Variants in CDH4 observed in about 807,000 individuals in gnomAD.
CDH4 encodes the protein cadherin 4.
CDH4 carries 33 observed loss-of-function variants against 86.0 expected under a neutral mutation model. The ratio of observed to expected loss-of-function variants is 0.38; its 90% CI spans 0.29 to 0.51. The LOEUF (loss-of-function observed/expected upper bound fraction) is 0.51, where lower values mean the gene tolerates loss of function less well. CDH4 is among the 20% of genes least tolerant of loss of function. CDH4 has a pLI of 0.86. For missense variants in CDH4, 1,114 were observed against 1,307.4 expected (o/e 0.85, Z 2.28); for synonymous variants, 555 against 549.4 (o/e 1.01, Z -0.14).
chr20:61,380,782 C>T (rs1044554081), intron 2 of CDH4, among the ~76,000 whole-genome samples: 1 of 152,144 alleles, frequency 6.6e-6, no homozygotes, highest in Non-Finnish European at 1.5e-5. Flanking sequence ...GGGTGTGGGA[C>T]TTATTGCAGC....
intron 2 of CDH4, among the ~76,000 whole-genome samples, chr20:61,742,745 G>A (rs773030922): frequency 1.6e-4 from 25 of 152,194 alleles, no homozygotes; most frequent in Admixed American, 2.0e-4. Flanking sequence ...ATGAATCTGC[G>A]CCTCTGGAGG....
At chr20:61,718,522 C>T (rs927211375) in intron 2 of CDH4, 3 of 320,896 alleles carry the variant, frequency 9.3e-6, no homozygotes, top group South Asian at 2.8e-5. Context: ...ATATCCCAGG[C>T]CGTGCTTCCC....
intron 2 of CDH4, among the ~76,000 whole-genome samples, chr20:61,543,365 G>C (rs117323838): frequency 6.6e-6 from 1 of 152,324 alleles, no homozygotes; most frequent in Non-Finnish European, 1.5e-5. Context: ...AGTGTTTGAC[G>C]TGACTCTGTA....
intron 2 of CDH4, among the ~76,000 whole-genome samples, chr20:61,617,301 G>A (rs145073039): frequency 2.0e-5 from 3 of 152,314 alleles, no homozygotes; most frequent in African/African-American, 7.2e-5. Flanking sequence ...TGTGTCCCCA[G>A]CACCTGGGGC....
At chr20:61,420,938 C>T (rs1041901109) in intron 2 of CDH4, among the ~76,000 whole-genome samples, 5 of 152,254 alleles carry the variant, frequency 3.3e-5, no homozygotes, top group Admixed American at 2.0e-4. Context: ...TATCCACACA[C>T]AGTGCACTGG....
At chr20:61,505,075 G>A (rs2085730939) in intron 2 of CDH4, among the ~76,000 whole-genome samples, 1 of 152,190 alleles carries the variant, frequency 6.6e-6, no homozygotes, top group Admixed American at 6.5e-5. Context: ...CTGTTTTCCT[G>A]GTGGAGATTA....
intron 6 of CDH4, among the ~76,000 whole-genome samples, chr20:61,857,059 G>A (rs765799265): frequency 6.6e-6 from 1 of 152,240 alleles, no homozygotes; most frequent in Non-Finnish European, 1.5e-5. Flanking sequence ...TGAGGGGAGC[G>A]TGTCTTTCCC....
At chr20:61,564,917 C>T (rs918092028) in intron 2 of CDH4, among the ~76,000 whole-genome samples, 5 of 152,148 alleles carry the variant, frequency 3.3e-5, no homozygotes, top group African/African-American at 1.2e-4. Flanking sequence ...ACTTGGTTTT[C>T]GTACTGAGCC....
chr20:61,652,938 A>ATTTTTATTTTTTTTTTTTTT (rs2087138479), intron 2 of CDH4, among the ~76,000 whole-genome samples: 1 of 97,400 alleles, frequency 1.0e-5, no homozygotes, highest in African/African-American at 3.4e-5. Context: ...TTATTTATTT[A>ATTTTTATTTTTTTTTTTTTT]TTTTTTTTTT....
chr20:61,571,278 C>T (rs901100352), intron 2 of CDH4, among the ~76,000 whole-genome samples: 1 of 152,190 alleles, frequency 6.6e-6, no homozygotes, highest in Admixed American at 6.5e-5. Context: ...CTTTTGATGT[C>T]TGGGAGGACC....
At position 61,933,091 on chromosome 20, in the gene CDH4, G is replaced by A. The variant is rs777494145; in HGVS notation, c.2346G>A (p.Lys782=). The change falls in exon 14 of 16, where the codon AAG becomes AAA. Residue 782 remains lysine (K), a synonymous_variant. Transcript: ENST00000614565. Reference sequence around the variant, plus strand: ...ACGACGTCCGCGACAACATCCTCAAGTATGACGAGGAAGGCGGTGGCGAGG... The same window carrying A: ...ACGACGTCCGCGACAACATCCTCAAATATGACGAGGAAGGCGGTGGCGAGG... ...PEDDVRDNIL[K]YDEEGGGEED... 2 of 1,613,190 alleles carry A rather than the reference G, an allele frequency of 1.2e-6. No individual in the cohort carries two copies. The highest frequency in any genetic ancestry group is 1.3e-5 in the African/African-American group (1 of 75,064).
At chr20:61,317,751 G>C (rs557576112) in intron 2 of CDH4, among the ~76,000 whole-genome samples, 2 of 152,126 alleles carry the variant, frequency 1.3e-5, no homozygotes, top group African/African-American at 4.8e-5. Flanking sequence ...CACCATGCCC[G>C]AGACCCCCAC....
chr20:61,345,920 G>T (rs2084676964), intron 2 of CDH4, among the ~76,000 whole-genome samples: 1 of 152,220 alleles, frequency 6.6e-6, no homozygotes, highest in African/African-American at 2.4e-5. Flanking sequence ...TTCGATCAAT[G>T]TTTGCTGAGC....
At chr20:61,915,276 C>T (rs936867986) in intron 9 of CDH4, among the ~76,000 whole-genome samples, 11 of 152,234 alleles carry the variant, frequency 7.2e-5, no homozygotes, top group Middle Eastern at 3.2e-3. Flanking sequence ...TTCAGGACAA[C>T]GTTCCACAGG....
At chr20:61,338,576 G>A (rs2084632605) in intron 2 of CDH4, among the ~76,000 whole-genome samples, 1 of 152,102 alleles carries the variant, frequency 6.6e-6, no homozygotes, top group Non-Finnish European at 1.5e-5. Context: ...CTGGTCCTCT[G>A]ACCTGGATTT....
At chr20:61,411,561 G>GTGC (rs1207888317) in intron 2 of CDH4, among the ~76,000 whole-genome samples, 1 of 151,938 alleles carries the variant, frequency 6.6e-6, no homozygotes, top group African/African-American at 2.4e-5. Context: ...TGGGCACGTG[G>GTGC]TGCTGTCTGC....
chr20:61,720,302 G>A (rs1192494713), intron 2 of CDH4, among the ~76,000 whole-genome samples: 3 of 152,142 alleles, frequency 2.0e-5, no homozygotes, highest in East Asian at 1.9e-4. Context: ...ATCCTGCTCC[G>A]GATTCCACAG....
At chr20:61,466,069 T>C (rs2085470067) in intron 2 of CDH4, among the ~76,000 whole-genome samples, 2 of 152,180 alleles carry the variant, frequency 1.3e-5, no homozygotes, top group East Asian at 1.9e-4. Context: ...ACCACGTGGA[T>C]TGCATAGAAT....
At chr20:61,357,554 T>A (rs1215433004) in intron 2 of CDH4, among the ~76,000 whole-genome samples, 1 of 152,182 alleles carries the variant, frequency 6.6e-6, no homozygotes, top group Non-Finnish European at 1.5e-5. Flanking sequence ...CCTGGTTCCA[T>A]ATCCCCATTC....
Sources: allele counts gnomAD v4.1 joint callset (sites outside exome capture counted in the v4.1 genomes callset), GRCh38; gene constraint gnomAD v4.1.1; transcripts MANE v1.5; gene names NCBI Gene and HGNC (gene_info 2026-07-23, HGNC 2026-07-21).